ERMARD: variants seen among roughly 807,000 people sequenced by gnomAD.
ERMARD encodes the protein ER membrane associated RNA degradation, also known as endoplasmic reticulum membrane-associated RNA degradation protein.
A neutral mutation model predicts 83.9 loss-of-function variants in ERMARD; 71 were observed. The ratio of observed to expected loss-of-function variants is 0.85; its 90% confidence interval spans 0.70 to 1.03. The LOEUF is 1.03. Among genes scored for constraint, ERMARD ranks in the 50% least tolerant of loss-of-function variants. The pLI is 0.00. For synonymous variants in ERMARD, 284 were observed against 298.6 expected (o/e 0.95, Z 0.50); for missense variants, 838 against 810.9 (o/e 1.03, Z -0.41).
intron 17 of ERMARD, among the ~76,000 whole-genome samples, chr6:169,780,407 C>G (rs765346345): frequency 6.6e-5 from 10 of 152,188 alleles, no homozygotes; most frequent in Non-Finnish European, 1.0e-4. Flanking sequence ...CTTTTAGCTT[C>G]TCTTTAAGTT....
chr6:169,773,466 A>T, intron 13 of ERMARD, 64 bp downstream of exon 13: 2 of 1,506,240 alleles, frequency 1.3e-6, no homozygotes, highest in Non-Finnish European at 1.8e-6. Context: ...TCTTCTGCAG[A>T]GATGCTGGAA....
In ERMARD at chr6:169,769,549, TG is replaced by T. The variant is rs1371239720; in HGVS notation, c.1072del (p.Asp358IlefsTer3). On this transcript the variant is annotated frameshift_variant, in exon 12 of 18. Transcript: ENST00000366773. LOFTEE classifies it high-confidence loss of function. ...GTTTAATTTCTGAAAGGAATTTCTCTGGGATTTCCTGAACCATCAGGAGGGT... is the reference window on the plus strand; with the variant it reads ...GTTTAATTTCTGAAAGGAATTTCTCTGGATTTCCTGAACCATCAGGAGGGT... ...FLGEPAMEFL[W>X]DFLNHQEGPR... is the part of the protein sequence containing the mutation. The T allele has an allele frequency of 3.8e-6, 6 of 1,595,702 alleles. No individual in the cohort carries two copies. The highest frequency in any genetic ancestry group is 5.1e-6 in the Non-Finnish European group (6 of 1,173,130).
At chr6:169,752,487 A>G (rs1409905022) in intron 1 of ERMARD, among the ~76,000 whole-genome samples, 4 of 152,300 alleles carry the variant, frequency 2.6e-5, no homozygotes, top group Admixed American at 6.5e-5. Context: ...GCGAGTGACA[A>G]TCGCCAATCA....
intron 10 of ERMARD, 43 bp downstream of exon 10, chr6:169,766,710 G>A (rs780599068): frequency 1.7e-5 from 26 of 1,531,684 alleles, no homozygotes; most frequent in South Asian, 2.5e-5. Context: ...CAAACAGAAC[G>A]CTGTCTTCTT....
At chr6:169,779,060 G>A (rs1056542372) in intron 16 of ERMARD, 122 bp from the exon 17 acceptor site, 8 of 912,592 alleles carry the variant, frequency 8.8e-6, no homozygotes, top group Non-Finnish European at 1.4e-5. Context: ...TAAGGATTAG[G>A]AAAATTATTT....
chr6:169,779,807 A>G (rs1180114930), intron 17 of ERMARD, among the ~76,000 whole-genome samples: 1 of 152,210 alleles, frequency 6.6e-6, no homozygotes, highest in Non-Finnish European at 1.5e-5. Flanking sequence ...AATTGTTTCC[A>G]ATTCGGGAAG....
At chr6:169,763,494 C>A (rs575758199) in intron 9 of ERMARD, among the ~76,000 whole-genome samples, 10 of 152,246 alleles carry the variant, frequency 6.6e-5, no homozygotes, top group Non-Finnish European at 1.2e-4. Flanking sequence ...AGGGCTTAGT[C>A]GCACTTGCTG....
At chr6:169,762,323 C>T in intron 8 of ERMARD, 106 bp from the exon 9 acceptor site, 3 of 1,022,818 alleles carry the variant, frequency 2.9e-6, no homozygotes, top group South Asian at 3.0e-5. Context: ...GATCCTCCCA[C>T]CTTGGCTTCC....
At chr6:169,752,106 A>G (rs564204575) in intron 1 of ERMARD, among the ~76,000 whole-genome samples, 49 of 152,312 alleles carry the variant, frequency 3.2e-4, no homozygotes, top group African/African-American at 1.1e-3. Flanking sequence ...CTGTGGTCCC[A>G]TCTACTCCGT....
chr6:169,762,297 A>G, intron 8 of ERMARD, 132 bp from the exon 9 acceptor site: 3 of 762,444 alleles, frequency 3.9e-6, no homozygotes, highest in Non-Finnish European at 6.4e-6. Flanking sequence ...CTGGTCTTGA[A>G]CTCCTAGCCT....
At chr6:169,774,532 G>A (rs529253609) in intron 13 of ERMARD, among the ~76,000 whole-genome samples, 1 of 152,292 alleles carries the variant, frequency 6.6e-6, no homozygotes. Flanking sequence ...ATCCTCTGCT[G>A]TGCCCCATGG....
upstream of ERMARD, chr6:169,751,399 AGGGGTCTGGTTC>A (rs775746939): frequency 1.4e-5 from 23 of 1,613,854 alleles, no homozygotes; most frequent in African/African-American, 1.7e-4. Context: ...GAGCCTGCTG[AGGGGTCTGGTTC>A]GGGGTCTGGA....
In ERMARD at chr6:169,781,498, T is replaced by G. The variant is rs572420373; in HGVS notation, c.2022T>G (p.Ser674Arg). The change falls in exon 18 of 18, where the codon AGT becomes AGG. Residue 674 changes from serine (S) to arginine (R), a missense_variant. Coordinates refer to ENST00000366773, the MANE Select transcript of ERMARD (RefSeq NM_018341.3). ...TACATTTAGCCAAGAAATCCACAAG[T>G]AAAGTACTCTTATGAAAACTTGTAA... ...MLIHLAKKSTSKVLL is the reference protein window; with the variant it reads ...MLIHLAKKSTRKVLL The G allele has an allele frequency of 1.9e-6, 3 of 1,596,820 alleles. No individual in the cohort carries two copies. Among genetic ancestry groups the G allele is most frequent in the African/African-American group, 1.3e-5 (1 of 74,346 alleles).
chr6:169,776,171 C>T (rs1793570742), intron 15 of ERMARD, 106 bp downstream of exon 15: 6 of 1,550,104 alleles, frequency 3.9e-6, no homozygotes, highest in Non-Finnish European at 5.3e-6. Flanking sequence ...TGGTAGTAGT[C>T]TTAGAATCCC....
At chr6:169,777,445 C>T (rs1488461419) in intron 16 of ERMARD, among the ~76,000 whole-genome samples, 1 of 152,168 alleles carries the variant, frequency 6.6e-6, no homozygotes, top group East Asian at 1.9e-4. Context: ...GCAGGTTTGC[C>T]TGAGGCAGTT....
upstream of ERMARD, chr6:169,751,579 C>G (rs1332705957): frequency 2.5e-6 from 4 of 1,605,130 alleles, no homozygotes; most frequent in African/African-American, 2.7e-5. Context: ...AAGTGCCCGC[C>G]AGGGCTCCAA....
chr6:169,775,837 ACAGT>A lies in ERMARD; in HGVS notation c.1395-99_1395-96del, dbSNP rs376381386. On this transcript the variant is annotated intron_variant, in intron 14 of 17. Coordinates refer to ENST00000366773, the MANE Select transcript of ERMARD (RefSeq NM_018341.3). ...TTTATATTTGAGGAAAGTGAGATTC[ACAGT>A]CAGGTCGCTGCTCAGTGAACCATTG... 400 of 1,377,532 alleles carry A rather than the reference ACAGT, an allele frequency of 2.9e-4. 1 individual carries two copies. Among genetic ancestry groups the A allele is most frequent in the Admixed American group, 4.5e-4 (18 of 40,282 alleles). 85.3% of individuals were successfully genotyped at this position (1,377,532 alleles called of 1,614,324 possible).
At chr6:169,761,829 T>C (rs1369342646) in intron 8 of ERMARD, among the ~76,000 whole-genome samples, 5 of 152,020 alleles carry the variant, frequency 3.3e-5, no homozygotes, top group Admixed American at 2.0e-4. Flanking sequence ...ACTATAGGCA[T>C]GCACCACCAC....
intron 5 of ERMARD, among the ~76,000 whole-genome samples, chr6:169,757,124 A>G (rs11968997): frequency 0.017 from 2,592 of 152,264 alleles, 71 homozygotes; most frequent in African/African-American, 0.058. Flanking sequence ...CCCTCCCACA[A>G]CATGGGAGAA....
Sources: gnomAD v4.1 joint callset for allele counts (sites outside exome capture counted in the v4.1 genomes callset) on GRCh38, gnomAD v4.1.1 for gene constraint, MANE v1.5 for transcripts, NCBI Gene and HGNC (gene_info 2026-07-23, HGNC 2026-07-21) for gene names.